Variants in KIAA1328 observed in about 807,000 individuals in gnomAD.
KIAA1328 encodes the protein KIAA1328.
In KIAA1328, 52 loss-of-function variants were observed where a neutral mutation model predicts 68.1. The observed-to-expected ratio is 0.76, with a 90% CI of 0.61 to 0.96. The LOEUF is 0.96. Ranked by LOEUF, KIAA1328 falls within the 40% of genes least tolerant of loss-of-function variation. The probability of loss-of-function intolerance (pLI) is 0.00; values close to 1 mark genes in which losing one functional copy is unlikely to be tolerated. For synonymous variants in KIAA1328, 232 were observed against 239.4 expected, an observed-to-expected ratio of 0.97 and a Z score of 0.28; for missense variants, 641 against 677.6, an observed-to-expected ratio of 0.95 and a Z score of 0.60.
At position 37,203,607 on chromosome 18, in the gene KIAA1328, A is replaced by G. The variant is rs543741628; in HGVS notation, c.1524-18410A>G. On this transcript the variant is annotated intron_variant, in intron 9 of 9. Coordinates refer to ENST00000280020, the MANE Select transcript of KIAA1328 (RefSeq NM_020776.3). ...TAGGAAGTATGCAATTTTAATGTTA[A>G]GTACCAGGTACAGAGCCCAAGACAA... Among the ~76,000 whole-genome samples, 66 of 152,306 alleles carry G rather than the reference A, an allele frequency of 4.3e-4. 1 individual carries two copies. Among genetic ancestry groups the G allele is most frequent in the African/African-American group, 1.5e-3 (61 of 41,570 alleles).
chr18:37,125,891 T>A (rs908756587), intron 7 of KIAA1328, among the ~76,000 whole-genome samples: 12 of 152,226 alleles, frequency 7.9e-5, no homozygotes, highest in Non-Finnish European at 1.0e-4. Context: ...ATGTTGCTAC[T>A]GTGCTGCTTA....
chr18:37,045,861 G>A (rs569936839), intron 6 of KIAA1328, among the ~76,000 whole-genome samples: 1 of 152,202 alleles, frequency 6.6e-6, no homozygotes, highest in East Asian at 1.9e-4. Context: ...TATAACACAT[G>A]TGAGGAACCA....
At chr18:37,124,071 T>C (rs1268906315) in intron 7 of KIAA1328, among the ~76,000 whole-genome samples, 2 of 152,168 alleles carry the variant, frequency 1.3e-5, no homozygotes, top group East Asian at 3.9e-4. Flanking sequence ...CTAAAATGAT[T>C]TATGATCTGA....
At chr18:37,072,604 G>T (rs189071788) in intron 7 of KIAA1328, among the ~76,000 whole-genome samples, 13 of 152,096 alleles carry the variant, frequency 8.5e-5, no homozygotes, top group African/African-American at 2.9e-4. Flanking sequence ...CTTCTGGCTA[G>T]CTAATGACAT....
intron 5 of KIAA1328, among the ~76,000 whole-genome samples, chr18:36,953,995 C>CTTTTTTTTTTTTTTTTT (rs71168249): frequency 1.8e-5 from 2 of 113,548 alleles, no homozygotes; most frequent in African/African-American, 3.0e-5. Context: ...CTGATTGTTT[C>CTTTTTTTTTTTTTTTTT]TTTTTTTTTT....
intron 7 of KIAA1328, among the ~76,000 whole-genome samples, chr18:37,083,422 A>G (rs995963256): frequency 6.6e-6 from 1 of 152,232 alleles, no homozygotes; most frequent in Non-Finnish European, 1.5e-5. Flanking sequence ...GTTTGATTTC[A>G]TAGTTAAAGA....
At chr18:36,905,037 C>T (rs1268195560) in intron 5 of KIAA1328, among the ~76,000 whole-genome samples, 1 of 151,064 alleles carries the variant, frequency 6.6e-6, no homozygotes, top group African/African-American at 2.4e-5. Flanking sequence ...ATTTTATACC[C>T]GTATTTTATT....
chr18:37,130,916 G>A (rs2058506922), intron 7 of KIAA1328, among the ~76,000 whole-genome samples: 1 of 152,014 alleles, frequency 6.6e-6, no homozygotes, highest in Non-Finnish European at 1.5e-5. Context: ...AGGGCTTTGT[G>A]CTCCATCCTG....
At chr18:36,993,645 A>G (rs1357943799) in intron 6 of KIAA1328, among the ~76,000 whole-genome samples, 3 of 152,230 alleles carry the variant, frequency 2.0e-5, no homozygotes, top group Non-Finnish European at 1.5e-5. Context: ...TATAAAAGAC[A>G]TATAAAGACA....
chr18:36,852,675 C>G (rs75329841), intron 4 of KIAA1328, among the ~76,000 whole-genome samples: 2,718 of 152,198 alleles, frequency 0.018, 51 homozygotes, highest in Non-Finnish European at 0.023. Flanking sequence ...TCCCCTGGAC[C>G]CTTCTTTAAA....
chr18:37,044,951 G>A (rs890038777), intron 6 of KIAA1328, among the ~76,000 whole-genome samples: 2 of 152,086 alleles, frequency 1.3e-5, no homozygotes, highest in Non-Finnish European at 2.9e-5. Flanking sequence ...CAGACTTGAA[G>A]TTTAAGTGGG....
At chr18:37,088,252 G>A (rs1481848862) in intron 7 of KIAA1328, among the ~76,000 whole-genome samples, 2 of 152,056 alleles carry the variant, frequency 1.3e-5, no homozygotes, top group Non-Finnish European at 2.9e-5. Flanking sequence ...TCACTTTGCA[G>A]CTTCATAGGT....
chr18:37,155,806 C>A (rs1314784571), intron 7 of KIAA1328, among the ~76,000 whole-genome samples: 1 of 152,172 alleles, frequency 6.6e-6, no homozygotes, highest in African/African-American at 2.4e-5. Context: ...ACCACACACC[C>A]AAAGTTTAAT....
intron 5 of KIAA1328, among the ~76,000 whole-genome samples, chr18:36,941,272 G>A (rs1180905781): frequency 6.6e-6 from 1 of 152,024 alleles, no homozygotes; most frequent in Non-Finnish European, 1.5e-5. Flanking sequence ...CTGTACCTGA[G>A]GAGAGAGAGA....
chr18:37,143,521 C>CTTTTTTTT (rs57046567), intron 7 of KIAA1328, among the ~76,000 whole-genome samples: 73 of 90,758 alleles, frequency 8.0e-4, no homozygotes, highest in Middle Eastern at 9.4e-3. Flanking sequence ...TTTTTTCTTT[C>CTTTTTTTT]TTTTTTTTTT....
At chr18:37,085,288 G>A (rs948516712) in intron 7 of KIAA1328, among the ~76,000 whole-genome samples, 1 of 152,104 alleles carries the variant, frequency 6.6e-6, no homozygotes, top group Non-Finnish European at 1.5e-5. Flanking sequence ...GCAAAGTCTG[G>A]TTCTCACTTC....
intron 9 of KIAA1328, among the ~76,000 whole-genome samples, 199 bp from the exon 10 acceptor site, chr18:37,221,818 C>T (rs2060568832): frequency 6.6e-6 from 1 of 152,106 alleles, no homozygotes. Flanking sequence ...AAGAGAAGAG[C>T]TTATGTACAG....
At chr18:37,228,389 G>C (rs1175805369), downstream of KIAA1328, among the ~76,000 whole-genome samples, 2 of 152,186 alleles carry the variant, frequency 1.3e-5, no homozygotes, top group Non-Finnish European at 2.9e-5. Context: ...ATTTTCATGA[G>C]AGGAAGGGTC....
intron 7 of KIAA1328, among the ~76,000 whole-genome samples, chr18:37,104,655 A>G (rs1297536245): frequency 6.6e-6 from 1 of 152,220 alleles, no homozygotes; most frequent in African/African-American, 2.4e-5. Context: ...ATATTTTCCC[A>G]CCATAAAGAA....
Sources: gnomAD v4.1 joint callset for allele counts (sites outside exome capture counted in the v4.1 genomes callset) on GRCh38, gnomAD v4.1.1 for gene constraint, MANE v1.5 for transcripts, NCBI Gene and HGNC (gene_info 2026-07-23, HGNC 2026-07-21) for gene names.